Variants in EEPD1 observed in about 807,000 individuals in gnomAD.
EEPD1 encodes the protein endonuclease/exonuclease/phosphatase family domain containing 1, also known as endonuclease/exonuclease/phosphatase family domain-containing protein 1.
Under a neutral mutation model 46.3 loss-of-function variants are expected in EEPD1, and 17 were observed. The ratio of observed to expected loss-of-function variants is 0.37; its 90% CI spans 0.25 to 0.55. The LOEUF (loss-of-function observed/expected upper bound fraction) is 0.55, where lower values mean the gene tolerates loss of function less well. EEPD1 is among the 20% of genes least tolerant of loss of function. The probability of loss-of-function intolerance (pLI) is 0.83; values close to 1 mark genes in which losing one functional copy is unlikely to be tolerated. For synonymous variants in EEPD1, 313 were observed against 315.6 expected (o/e 0.99, Z 0.09); for missense variants, 673 against 745.6 (o/e 0.90, Z 1.13).
At chr7:36,184,325 G>A (rs567383759) in intron 2 of EEPD1, among the ~76,000 whole-genome samples, 2 of 152,312 alleles carry the variant, frequency 1.3e-5, no homozygotes, top group Non-Finnish European at 2.9e-5. Flanking sequence ...CAGGTGGCCA[G>A]CTGGCTGTGT....
At chr7:36,272,960 G>T (rs1383729028) in intron 3 of EEPD1, among the ~76,000 whole-genome samples, 1 of 152,202 alleles carries the variant, frequency 6.6e-6, no homozygotes, top group Non-Finnish European at 1.5e-5. Flanking sequence ...TGGCCCACCA[G>T]CCCCGGCCCC....
At chr7:36,164,530 T>G (rs1784950175) in intron 2 of EEPD1, among the ~76,000 whole-genome samples, 2 of 152,250 alleles carry the variant, frequency 1.3e-5, no homozygotes, top group Non-Finnish European at 2.9e-5. Context: ...TTATGTTTTT[T>G]AAAAAGGTTA....
At chr7:36,244,719 G>C (rs562551180) in intron 3 of EEPD1, among the ~76,000 whole-genome samples, 3 of 150,510 alleles carry the variant, frequency 2.0e-5, no homozygotes, top group African/African-American at 4.9e-5. Context: ...ACTGCTCTCT[G>C]TGATTCCTTC....
At chr7:36,229,737 C>T (rs1786289709) in intron 2 of EEPD1, among the ~76,000 whole-genome samples, 1 of 152,144 alleles carries the variant, frequency 6.6e-6, no homozygotes, top group Admixed American at 6.5e-5. Flanking sequence ...CCTATGGCTG[C>T]CGGCCGTGTT....
At chr7:36,198,719 C>A (rs1165833071) in intron 2 of EEPD1, among the ~76,000 whole-genome samples, 1 of 152,138 alleles carries the variant, frequency 6.6e-6, no homozygotes, top group Non-Finnish European at 1.5e-5. Context: ...GAAATGAACC[C>A]CATCTGTCAA....
intron 2 of EEPD1, among the ~76,000 whole-genome samples, chr7:36,201,639 C>T (rs1378365354): frequency 6.6e-6 from 1 of 152,180 alleles, no homozygotes; most frequent in Non-Finnish European, 1.5e-5. Context: ...ATACTCCCTT[C>T]CTACTGCCTT....
At chr7:36,184,067 C>T (rs1785321090) in intron 2 of EEPD1, among the ~76,000 whole-genome samples, 1 of 152,016 alleles carries the variant, frequency 6.6e-6, no homozygotes, top group Non-Finnish European at 1.5e-5. Flanking sequence ...TGCAAAGGCT[C>T]AGATAGTAAA....
chr7:36,208,674 T>G (rs557263325), intron 2 of EEPD1, among the ~76,000 whole-genome samples: 1 of 152,296 alleles, frequency 6.6e-6, no homozygotes, highest in Non-Finnish European at 1.5e-5. Flanking sequence ...CACACTTGGT[T>G]TAGAGGGAAG....
intron 2 of EEPD1, among the ~76,000 whole-genome samples, chr7:36,209,840 C>T (rs1156383045): frequency 6.6e-6 from 1 of 152,208 alleles, no homozygotes; most frequent in Non-Finnish European, 1.5e-5. Context: ...ATATAAGACA[C>T]ATATCCCAAT....
At chr7:36,173,007 C>T (rs963653528) in intron 2 of EEPD1, among the ~76,000 whole-genome samples, 3 of 151,962 alleles carry the variant, frequency 2.0e-5, no homozygotes, top group Admixed American at 6.6e-5. Context: ...TGGAGGACAC[C>T]CAGCTAGTGT....
intron 2 of EEPD1, among the ~76,000 whole-genome samples, chr7:36,191,887 C>T (rs1266658563): frequency 1.3e-5 from 2 of 152,190 alleles, no homozygotes; most frequent in East Asian, 1.9e-4. Context: ...GTGTGGGAGT[C>T]TGGGATCCTA....
At position 36,193,304 on chromosome 7, in the gene EEPD1, G is replaced by A. The variant is rs1449047251; in HGVS notation, c.878+38102G>A. Among the ~76,000 whole-genome samples, 3 of 152,280 alleles carry A rather than the reference G, an allele frequency of 2.0e-5. No individual in the cohort carries two copies. The highest frequency in any genetic ancestry group is 2.1e-4 in the South Asian group (1 of 4,818). On this transcript the variant is annotated intron_variant, in intron 2 of 7. Transcript: ENST00000242108. The surrounding 1 kb of genome is among the most constrained non-coding windows in gnomAD (Gnocchi z 4.9). Reference sequence around the variant, plus strand: ...AAGAGGCCCAGAGAGCAGAGTTCCCGAGAGGGAGAGTGTGCAGAAGCCTGG... The same window carrying A: ...AAGAGGCCCAGAGAGCAGAGTTCCCAAGAGGGAGAGTGTGCAGAAGCCTGG...
chr7:36,198,757 TGGCCTTGTCTCCTTCCCAGGA>T (rs1785659351), intron 2 of EEPD1, among the ~76,000 whole-genome samples: 1 of 152,206 alleles, frequency 6.6e-6, no homozygotes. Flanking sequence ...ATCACTGCTT[TGGCCTTGTCTCCTTCCCAGGA>T]GGCCTCAGCA....
chr7:36,168,347 C>T (rs1454023546), intron 2 of EEPD1, among the ~76,000 whole-genome samples: 5 of 152,176 alleles, frequency 3.3e-5, no homozygotes, highest in Non-Finnish European at 7.3e-5. Context: ...AGAATATAAG[C>T]TGACTTGAAT....
intron 2 of EEPD1, among the ~76,000 whole-genome samples, chr7:36,191,823 C>G (rs1785465872): frequency 6.6e-6 from 1 of 152,174 alleles, no homozygotes; most frequent in Non-Finnish European, 1.5e-5. Context: ...GGAAATTGCT[C>G]ATTTCTGTTA....
intron 2 of EEPD1, among the ~76,000 whole-genome samples, chr7:36,174,882 A>G (rs1785149907): frequency 6.6e-6 from 1 of 152,252 alleles, no homozygotes; most frequent in Admixed American, 6.5e-5. Flanking sequence ...TAAATTTAAT[A>G]GAGTTTAATT....
chr7:36,172,654 A>G (rs181770984), intron 2 of EEPD1, among the ~76,000 whole-genome samples: 125 of 127,810 alleles, frequency 9.8e-4, no homozygotes, highest in African/African-American at 3.4e-3. Context: ...CTCATCAGCT[A>G]TCATTAGTGT....
At chr7:36,199,715 C>T (rs1447828339) in intron 2 of EEPD1, among the ~76,000 whole-genome samples, 1 of 152,110 alleles carries the variant, frequency 6.6e-6, no homozygotes, top group Admixed American at 6.5e-5. Flanking sequence ...TGCTTTACCC[C>T]TTGCTGAGAC....
chr7:36,225,144 T>C lies in EEPD1; in HGVS notation c.879-13841T>C, dbSNP rs555546657. ...CCCAGTGAGCCTGAGACTTCTGGCCTCCAGAACTGAGGGAATGACTTTCTG... is the reference window on the plus strand; with the variant it reads ...CCCAGTGAGCCTGAGACTTCTGGCCCCCAGAACTGAGGGAATGACTTTCTG... On this transcript the variant is annotated intron_variant, in intron 2 of 7. Transcript: ENST00000242108. The surrounding 1 kb of genome is among the most constrained non-coding windows in gnomAD (Gnocchi z 4.2). Among the ~76,000 whole-genome samples, 1 of 152,272 alleles carries C rather than the reference T, an allele frequency of 6.6e-6. No individual in the cohort carries two copies. The highest frequency in any genetic ancestry group is 2.1e-4 in the South Asian group (1 of 4,822).
Sources: gnomAD v4.1 joint callset for allele counts (sites outside exome capture counted in the v4.1 genomes callset) on GRCh38, gnomAD v4.1.1 for gene constraint, Gnocchi (gnomAD v3.1) non-coding constraint, MANE v1.5 for transcripts, NCBI Gene and HGNC (gene_info 2026-07-23, HGNC 2026-07-21) for gene names.